Variants in DNAH17 observed in about 807,000 individuals in gnomAD.
DNAH17 encodes axonemal beta dynein heavy chain 17.
In DNAH17, 376 loss-of-function variants were observed where a neutral mutation model predicts 485.6. That is an observed-to-expected ratio of 0.77 (90% CI 0.71 to 0.84). The LOEUF (loss-of-function observed/expected upper bound fraction) is 0.84. Among genes scored for constraint, DNAH17 ranks in the 40% least tolerant of loss-of-function variants. The probability of loss-of-function intolerance (pLI) is 0.00; values close to 1 mark genes in which losing one functional copy is unlikely to be tolerated. For missense variants in DNAH17, 6,370 were observed against 5,839.3 expected (o/e 1.09, Z -2.96); for synonymous variants, 3,031 against 2,405.9 (o/e 1.26, Z -7.60).
At chr17:78,425,137 C>CAGACCCTG (rs1210207446) in intron 80 of DNAH17, 6 of 567,842 alleles carry the variant, frequency 1.1e-5, no homozygotes, top group Non-Finnish European at 1.9e-5. Flanking sequence ...TGGTCTCCTC[C>CAGACCCTG]AGACCCTGCA....
chr17:78,523,108 G>A (rs537187612), intron 25 of DNAH17, among the ~76,000 whole-genome samples: 30 of 152,074 alleles, frequency 2.0e-4, no homozygotes, highest in African/African-American at 6.0e-4. Flanking sequence ...CACCTGCCTC[G>A]GCCTCCCAAA....
In DNAH17 at chr17:78,492,626, T is replaced by G; in HGVS notation, c.6541+7A>C. ...CCTGCAGCCTGTCCCGGGACCACCC[T>G]CGTTACCATCTTTCCATTCCCTGGT... On this transcript the variant is annotated splice_region_variant and intron_variant, in intron 42 of 80. Coordinates refer to ENST00000389840, the MANE Select transcript of DNAH17 (RefSeq NM_173628.4). The G allele has an allele frequency of 6.2e-7, 1 of 1,613,528 alleles. No homozygotes were observed. The highest frequency in any genetic ancestry group is 2.2e-5 in the East Asian group (1 of 44,858).
chr17:78,510,348 C>T (rs1437857356), intron 27 of DNAH17, 36 bp downstream of exon 27: 7 of 1,603,978 alleles, frequency 4.4e-6, no homozygotes, highest in African/African-American at 1.3e-5. Context: ...CAGGCTGATC[C>T]CACGTTGCAC....
intron 16 of DNAH17, among the ~76,000 whole-genome samples, chr17:78,545,280 TAGC>T (rs2091728289): frequency 1.3e-5 from 2 of 152,252 alleles, no homozygotes; most frequent in African/African-American, 4.8e-5. Flanking sequence ...CTTTTTTTAT[TAGC>T]AGTTTTATTG....
At chr17:78,450,934 C>G in intron 66 of DNAH17, 88 bp from the exon 67 acceptor site, 1 of 1,523,368 alleles carries the variant, frequency 6.6e-7, no homozygotes, top group Non-Finnish European at 9.0e-7. Context: ...GTAGCTGAGC[C>G]AAGGCCCAGG....
rs143786171 is a variant in DNAH17, at chr17:78,470,384, C to T, written c.8512-1501G>A. 7.8e-4 allele frequency among the ~76,000 whole-genome samples: 115 copies of T among 147,864 alleles called. No individual in the cohort carries two copies. In the East Asian group the frequency reaches 0.021, roughly 27 times the overall value. On this transcript the variant is annotated intron_variant, in intron 54 of 80. Coordinates refer to ENST00000389840, the MANE Select transcript of DNAH17 (RefSeq NM_173628.4). The stretch of plus-strand genomic sequence containing the variant: ...TGCCCAGCCGAAAATGTCTATTTGT[C>T]TTAGAAAAAAAAATTAAAAAACAGG...
rs1057395698 is a variant in DNAH17 at position 78,445,689 on chromosome 17, A to G, written c.11212-9T>C. 35 of 1,589,814 alleles carry G rather than the reference A, an allele frequency of 2.2e-5. 1 individual carries two copies. The highest frequency in any genetic ancestry group is 2.8e-5 in the Non-Finnish European group (33 of 1,168,504). On this transcript the variant is annotated splice_polypyrimidine_tract_variant and intron_variant, in intron 69 of 80. Transcript: ENST00000389840. ...TTCTTCATGGACAGGACCTGGGGGA[A>G]CATCGAGGTGTACACACTTAACGCA...
chr17:78,568,320 C>T lies in DNAH17; in HGVS notation c.1284+846G>A, dbSNP rs181462799. 2.9e-3 allele frequency among the ~76,000 whole-genome samples: 443 copies of T among 152,186 alleles called. 2 individuals carry two copies. The highest frequency in any genetic ancestry group is 0.01 in the African/African-American group (416 of 41,512). On this transcript the variant is annotated intron_variant, in intron 9 of 80. Transcript: ENST00000389840. The stretch of plus-strand genomic sequence containing the variant: ...GTGACTGCAATTTTGAACTCCTGAG[C>T]GGGCCTCCCTCCCCTGCCCCCCAGG...
intron 55 of DNAH17, 114 bp from the exon 56 acceptor site, chr17:78,466,930 C>G (rs1332794628): frequency 8.5e-7 from 1 of 1,181,616 alleles, no homozygotes; most frequent in African/African-American, 1.6e-5. Flanking sequence ...GGCTCAGCCG[C>G]CCAGGGCCTG....
intron 16 of DNAH17, among the ~76,000 whole-genome samples, chr17:78,546,606 T>G (rs1018342158): frequency 2.0e-5 from 3 of 152,168 alleles, no homozygotes; most frequent in Non-Finnish European, 2.9e-5. Context: ...TTTCTCTAAT[T>G]TTGGAAATAA....
Position 78,453,357 on chromosome 17 carries a change from C to T in DNAH17, c.10515G>A (p.Thr3505=), listed in dbSNP as rs149321263. The change falls in exon 65 of 81, where the codon ACG becomes ACA. Residue 3505 remains threonine (T), a synonymous_variant. Transcript: ENST00000389840. ...PVLDPLLGRN[T]IKKGKYIKIG... is the part of the protein sequence containing the mutation. ...AAACAACTCACTTTCCCTTTTTAAT[C>T]GTGTTCCTGCCCAGTAGAGGGTCCA... 2.1e-5 allele frequency: 34 copies of T among 1,613,410 alleles called. No homozygotes were observed. Among genetic ancestry groups the T allele is most frequent in the Admixed American group, 6.7e-5 (4 of 59,920 alleles).
chr17:78,516,790 C>G (rs527939551), intron 25 of DNAH17, among the ~76,000 whole-genome samples: 3 of 152,058 alleles, frequency 2.0e-5, no homozygotes, highest in African/African-American at 7.2e-5. Context: ...TCTGTTAAGG[C>G]CTGGCTGTAA....
At chr17:78,428,924 TAAAA>T (rs11409298) in intron 76 of DNAH17, among the ~76,000 whole-genome samples, 193 bp downstream of exon 76, 4 of 103,316 alleles carry the variant, frequency 3.9e-5, no homozygotes, top group African/African-American at 7.7e-5. Context: ...TTTCTTTCTT[TAAAA>T]AAAAAAAAAA....
chr17:78,497,552 G>A (rs934055835), intron 37 of DNAH17, among the ~76,000 whole-genome samples: 1 of 152,230 alleles, frequency 6.6e-6, no homozygotes, highest in South Asian at 2.1e-4. Flanking sequence ...ATGGACGTCG[G>A]AGGTGCTCAG....
chr17:78,494,790 TGATG>T lies in DNAH17; in HGVS notation c.6069_6072del (p.Ile2024SerfsTer10). 6.2e-7 allele frequency: 1 copy of T among 1,611,752 alleles called. No individual in the cohort carries two copies. ...GAGCCGGCCACCACCAGCACAGACT[TGATG>T]GCTCTCAGGCCCCAGTCGTAATGAT... On this transcript the variant is annotated frameshift_variant, in exon 40 of 81. Coordinates refer to ENST00000389840, the MANE Select transcript of DNAH17 (RefSeq NM_173628.4). LOFTEE classifies it high-confidence loss of function.
At chr17:78,493,913 G>A (rs2089964943) in intron 41 of DNAH17, 123 bp downstream of exon 41, 4 of 1,360,634 alleles carry the variant, frequency 2.9e-6, no homozygotes, top group East Asian at 2.6e-5. Flanking sequence ...AGGCCGGAGG[G>A]CTCCCAGGAT....
chr17:78,463,158 G>A (rs549319902), intron 56 of DNAH17, 81 bp from the exon 57 acceptor site: 6 of 1,351,318 alleles, frequency 4.4e-6, no homozygotes, highest in African/African-American at 1.4e-5. Flanking sequence ...CTCACCAGGG[G>A]CCCTGGACAA....
intron 58 of DNAH17, 147 bp from the exon 59 acceptor site, chr17:78,460,404 ATG>A (rs540275757): frequency 1.1e-5 from 7 of 666,382 alleles, no homozygotes; most frequent in Non-Finnish European, 1.5e-5. Context: ...GCATGAGTGT[ATG>A]TGTGTGCATG....
intron 55 of DNAH17, among the ~76,000 whole-genome samples, chr17:78,467,745 C>T (rs889650416): frequency 2.0e-5 from 3 of 152,012 alleles, no homozygotes; most frequent in South Asian, 4.1e-4. Flanking sequence ...GAGGTGATGT[C>T]GAAAATCAAG....
Sources: allele counts gnomAD v4.1 joint callset (sites outside exome capture counted in the v4.1 genomes callset), GRCh38; gene constraint gnomAD v4.1.1; transcripts MANE v1.5; gene names NCBI Gene and HGNC (gene_info 2026-07-23, HGNC 2026-07-21).